The following YEATS2 variants were observed in gnomAD, a reference collection of about 807,000 sequenced individuals.
YEATS2 encodes the protein YEATS domain-containing protein 2.
In YEATS2, 77 loss-of-function variants were observed where a neutral mutation model predicts 163.2. That is an observed-to-expected ratio of 0.47 (90% CI 0.39 to 0.57). The LOEUF (loss-of-function observed/expected upper bound fraction) is 0.57. YEATS2 is among the 20% of genes least tolerant of loss of function. YEATS2 has a pLI of 0.00. For missense variants in YEATS2, 1,549 were observed against 1,729.8 expected, an observed-to-expected ratio of 0.90 and a Z score of 1.85; for synonymous variants, 631 against 645.1, an observed-to-expected ratio of 0.98 and a Z score of 0.33.
intron 28 of YEATS2, 66 bp from the exon 29 acceptor site, chr3:183,807,964 C>G (rs767422670): frequency 3.4e-5 from 46 of 1,366,322 alleles, no homozygotes; most frequent in Admixed American, 6.1e-5. Context: ...GGGAGGTATG[C>G]TTGTTTGGAG....
intron 8 of YEATS2, among the ~76,000 whole-genome samples, chr3:183,737,399 C>G (rs141555447): frequency 6.6e-6 from 1 of 152,140 alleles, no homozygotes; most frequent in Non-Finnish European, 1.5e-5. Flanking sequence ...CTTACTGCTA[C>G]AACACTACTT....
At chr3:183,808,824 C>A in intron 29 of YEATS2, 1 of 314,798 alleles carries the variant, frequency 3.2e-6, no homozygotes, top group South Asian at 3.6e-5. Flanking sequence ...CCACTGCGCT[C>A]CAGCCTGGGC....
At chr3:183,790,181 A>G (rs560883161) in intron 20 of YEATS2, among the ~76,000 whole-genome samples, 1 of 152,152 alleles carries the variant, frequency 6.6e-6, no homozygotes, top group Admixed American at 6.5e-5. Flanking sequence ...AAAGTGCCTA[A>G]TGTTTTACCT....
At chr3:183,800,846 C>G (rs1000160059) in intron 24 of YEATS2, 5 of 324,372 alleles carry the variant, frequency 1.5e-5, no homozygotes, top group African/African-American at 1.1e-4. Flanking sequence ...TGGGCTTTCT[C>G]TGCTGAGCCC....
Position 183,808,098 on chromosome 3 carries a change from C to G in YEATS2, c.4080C>G (p.Ile1360Met), listed in dbSNP as rs1481114521. Residue 1360 changes from isoleucine to methionine, a missense_variant, in exon 29 of 31, where the codon ATC becomes ATG. Ile to Met is a conservative substitution (Grantham distance 10). Transcript: ENST00000305135. ...NVYASVVEDM[I>M]LKATEQLVND... ...ATGCGTCCGTGGTGGAGGACATGAT[C>G]CTGAAGGTGGGTGCCTGCAGGGGCC... The G allele has an allele frequency of 6.4e-7, 1 of 1,553,586 alleles. No homozygotes were observed. The highest frequency in any genetic ancestry group is 8.7e-7 in the Non-Finnish European group (1 of 1,147,700).
At chr3:183,731,258 C>G (rs983677559) in intron 7 of YEATS2, among the ~76,000 whole-genome samples, 2 of 148,168 alleles carry the variant, frequency 1.3e-5, no homozygotes, top group Non-Finnish European at 3.0e-5. Context: ...AAGATCGTGC[C>G]ACTGCACTCC....
At chr3:183,810,342 C>A in intron 30 of YEATS2, 133 bp from the exon 31 acceptor site, 1 of 739,026 alleles carries the variant, frequency 1.4e-6, no homozygotes. Context: ...TGGCCCTAAG[C>A]TATGTCTGTG....
intron 1 of YEATS2, among the ~76,000 whole-genome samples, chr3:183,701,787 C>G (rs1454483936): frequency 1.3e-5 from 2 of 152,144 alleles, no homozygotes; most frequent in African/African-American, 4.8e-5. Flanking sequence ...AAACAAAATA[C>G]ATAACAATCG....
At chr3:183,780,212 T>C (rs546115586) in intron 19 of YEATS2, among the ~76,000 whole-genome samples, 75 of 152,244 alleles carry the variant, frequency 4.9e-4, no homozygotes, top group African/African-American at 1.8e-3. Context: ...TATGTGGATA[T>C]ATCTCACACC....
rs34099456 is a variant in YEATS2 at position 183,752,135 on chromosome 3, G to A, written c.1032G>A (p.Ser344=). 5.7e-4 allele frequency: 926 copies of A among 1,613,988 alleles called. 9 individuals are homozygous for A. The African/African-American group carries it at 0.01, about 18-fold the overall frequency. ...AAGACTGTATCTATCCTCAGTCCTCGGAGTCTGACATCTCTGATGCCCCTC... is the reference window on the plus strand; with the variant it reads ...AAGACTGTATCTATCCTCAGTCCTCAGAGTCTGACATCTCTGATGCCCCTC... ...LGEDCIYPQS[S]ESDISDAPPS... The change falls in exon 10 of 31, where the codon TCG becomes TCA. Residue 344 remains serine (S), a synonymous_variant. Coordinates refer to ENST00000305135, the MANE Select transcript of YEATS2 (RefSeq NM_018023.5).
intron 8 of YEATS2, among the ~76,000 whole-genome samples, chr3:183,747,426 C>T (rs1284269466): frequency 6.6e-6 from 1 of 152,040 alleles, no homozygotes; most frequent in African/African-American, 2.4e-5. Flanking sequence ...TCCATTTTTA[C>T]ATTGTCCTTA....
rs540328948 is a variant in YEATS2, at chr3:183,779,209, C to T, written c.2736+1509C>T. Reference sequence around the variant, plus strand: ...CAGGCACAAGCCACCACGCCCAGCCCGTTTTCATTCTTGCTTTTGGTAATT... The same window carrying T: ...CAGGCACAAGCCACCACGCCCAGCCTGTTTTCATTCTTGCTTTTGGTAATT... On this transcript the variant is annotated intron_variant, in intron 19 of 30. Transcript: ENST00000305135. Among the ~76,000 whole-genome samples the T allele has an allele frequency of 5.9e-5, 9 of 152,264 alleles. No homozygotes were observed. In the South Asian group the frequency reaches 8.3e-4, roughly 14 times the overall value.
At chr3:183,759,003 C>G in intron 13 of YEATS2, 38 bp downstream of exon 13, 1 of 1,317,186 alleles carries the variant, frequency 7.6e-7, no homozygotes, top group South Asian at 1.4e-5. Flanking sequence ...TTGCTAGCTT[C>G]TTTTTCTTTT....
At chr3:183,757,306 T>C (rs1034952078) in intron 12 of YEATS2, among the ~76,000 whole-genome samples, 4 of 152,190 alleles carry the variant, frequency 2.6e-5, no homozygotes, top group African/African-American at 4.8e-5. Context: ...TATTAATTTA[T>C]TGAGACAGAG....
At chr3:183,800,911 C>T (rs951088055) in intron 24 of YEATS2, 2 of 208,372 alleles carry the variant, frequency 9.6e-6, no homozygotes, top group African/African-American at 4.6e-5. Flanking sequence ...CGCTTTGTGA[C>T]TGGGTGTCCA....
At chr3:183,720,781 A>C (rs1451979108) in intron 4 of YEATS2, among the ~76,000 whole-genome samples, 1 of 152,170 alleles carries the variant, frequency 6.6e-6, no homozygotes, top group Non-Finnish European at 1.5e-5. Flanking sequence ...TCCAAAATCA[A>C]GGTGTCAACA....
At chr3:183,799,068 A>G in intron 23 of YEATS2, 79 bp downstream of exon 23, 2 of 1,098,166 alleles carry the variant, frequency 1.8e-6, no homozygotes, top group Non-Finnish European at 2.8e-6. Flanking sequence ...CCTGATGTCC[A>G]GAAGCTTTAT....
intron 24 of YEATS2, 87 bp from the exon 25 acceptor site, chr3:183,801,368 A>G: frequency 2.3e-6 from 2 of 853,724 alleles, no homozygotes; most frequent in Non-Finnish European, 3.6e-6. Context: ...AACGGAATAT[A>G]TCCATTAAGT....
At chr3:183,771,841 C>G (rs559356727) in intron 15 of YEATS2, among the ~76,000 whole-genome samples, 2 of 151,508 alleles carry the variant, frequency 1.3e-5, no homozygotes, top group East Asian at 3.9e-4. Context: ...ATTCTCCTAC[C>G]TCAGCCTCCA....
Sources: allele counts gnomAD v4.1 joint callset (sites outside exome capture counted in the v4.1 genomes callset), GRCh38; gene constraint gnomAD v4.1.1; transcripts MANE v1.5; gene names NCBI Gene and HGNC (gene_info 2026-07-23, HGNC 2026-07-21).